GRM1: variants seen among roughly 807,000 people sequenced by gnomAD.
GRM1 encodes glutamate metabotropic receptor 1.
Under a neutral mutation model 90.9 loss-of-function variants are expected in GRM1, and 33 were observed. That is an observed-to-expected ratio of 0.36 (90% CI 0.28 to 0.49). The LOEUF is 0.49. Among genes scored for constraint, GRM1 ranks in the 20% least tolerant of loss-of-function variants. The pLI is 0.99. For missense variants in GRM1, 1,190 were observed against 1,534.3 expected (o/e 0.78, Z 3.75); for synonymous variants, 700 against 613.2 (o/e 1.14, Z -2.09).
intron 2 of GRM1, among the ~76,000 whole-genome samples, chr6:146,196,390 T>G (rs988213290): frequency 2.0e-5 from 3 of 147,870 alleles, no homozygotes; most frequent in Admixed American, 6.8e-5. Flanking sequence ...CAGGTTCACA[T>G]CATTTTCCTG....
intron 2 of GRM1, among the ~76,000 whole-genome samples, chr6:146,235,566 A>G (rs886948781): frequency 1.3e-5 from 2 of 151,838 alleles, no homozygotes; most frequent in African/African-American, 4.8e-5. Flanking sequence ...GATTTTGAAT[A>G]TTCTGTTTTT....
intron 1 of GRM1, among the ~76,000 whole-genome samples, chr6:146,064,355 C>T (rs1554262616): frequency 1.3e-5 from 2 of 152,126 alleles, no homozygotes; most frequent in Non-Finnish European, 2.9e-5. Context: ...TTTAAGTCTA[C>T]TTTTATAGTT....
chr6:146,058,203 A>G (rs966473056), intron 1 of GRM1, among the ~76,000 whole-genome samples: 6 of 152,022 alleles, frequency 3.9e-5, no homozygotes, highest in East Asian at 1.9e-4. Flanking sequence ...CTAAGTTTCT[A>G]CCTAGTCTCA....
chr6:146,120,787 C>G (rs1191465290), intron 1 of GRM1, among the ~76,000 whole-genome samples: 1 of 152,164 alleles, frequency 6.6e-6, no homozygotes. Context: ...AGGGATGAAG[C>G]CCACTTGATC....
chr6:146,406,344 T>A (rs1237335499), intron 7 of GRM1, among the ~76,000 whole-genome samples: 1 of 152,202 alleles, frequency 6.6e-6, no homozygotes, highest in Non-Finnish European at 1.5e-5. Flanking sequence ...TGGGAACTTA[T>A]CATCATTTTT....
intron 2 of GRM1, among the ~76,000 whole-genome samples, chr6:146,247,004 G>A (rs1303325842): frequency 3.9e-5 from 6 of 152,160 alleles, no homozygotes; most frequent in Admixed American, 1.3e-4. Flanking sequence ...GCCACATTCA[G>A]GAATCAGGAA....
chr6:146,417,980 C>T (rs773057508), intron 7 of GRM1, among the ~76,000 whole-genome samples: 8 of 152,112 alleles, frequency 5.3e-5, no homozygotes, highest in South Asian at 4.2e-4. Context: ...TAATTTTGAG[C>T]GGCTGCTTTC....
intron 3 of GRM1, among the ~76,000 whole-genome samples, chr6:146,340,860 A>G (rs1035480458): frequency 1.3e-5 from 2 of 152,152 alleles, no homozygotes; most frequent in African/African-American, 4.8e-5. Flanking sequence ...CCACATTTCT[A>G]ACCTCACTCG....
chr6:146,209,639 A>T (rs146896594), intron 2 of GRM1, among the ~76,000 whole-genome samples: 3 of 152,126 alleles, frequency 2.0e-5, no homozygotes, highest in Non-Finnish European at 4.4e-5. Flanking sequence ...ATGGTTAGGG[A>T]TGGAAGGGTA....
intron 1 of GRM1, among the ~76,000 whole-genome samples, chr6:146,067,369 C>T (rs1326076052): frequency 6.6e-6 from 1 of 152,154 alleles, no homozygotes; most frequent in African/African-American, 2.4e-5. Flanking sequence ...ATTTTAGACA[C>T]ATTCCAACCA....
chr6:146,435,151 A>G lies in GRM1; in HGVS notation c.*355A>G. On this transcript the variant is annotated 3_prime_UTR_variant, in exon 8 of 8. Coordinates refer to ENST00000282753, the MANE Select transcript of GRM1 (RefSeq NM_001278064.2). ...CTTTTGCACAATTGTGCATAGATAT[A>G]TATATGCCCACACACACTGGGCCAT... 1 of 386,488 alleles carries G rather than the reference A, an allele frequency of 2.6e-6. No homozygotes were observed. Among genetic ancestry groups the G allele is most frequent in the Non-Finnish European group, 4.9e-6 (1 of 202,536 alleles). 23.9% of individuals were successfully genotyped at this position (386,488 alleles called of 1,614,324 possible). A position where few individuals can be genotyped will look rare whatever the true frequency, so the allele number is the denominator to read the frequency against.
chr6:146,214,899 G>C (rs1779816241), intron 2 of GRM1, among the ~76,000 whole-genome samples: 1 of 152,156 alleles, frequency 6.6e-6, no homozygotes, highest in African/African-American at 2.4e-5. Flanking sequence ...GTATTCCTGG[G>C]AACAGTGACA....
intron 2 of GRM1, among the ~76,000 whole-genome samples, chr6:146,268,928 C>A (rs1248561790): frequency 6.6e-6 from 1 of 152,146 alleles, no homozygotes; most frequent in Admixed American, 6.5e-5. Context: ...CACAAGACAG[C>A]CCAGAAATAA....
chr6:146,350,279 C>A (rs1785355153), intron 3 of GRM1, among the ~76,000 whole-genome samples: 1 of 152,158 alleles, frequency 6.6e-6, no homozygotes, highest in African/African-American at 2.4e-5. Context: ...AACTCAGTGT[C>A]CATAAGGCTT....
chr6:146,291,636 T>A (rs931056718), intron 2 of GRM1, among the ~76,000 whole-genome samples: 1 of 151,878 alleles, frequency 6.6e-6, no homozygotes, highest in African/African-American at 2.4e-5. Flanking sequence ...CTAAAAAAAT[T>A]AAATAAGACA....
chr6:146,270,885 CTTTCTTTCTTTCTT>C (rs1562571135), intron 2 of GRM1, among the ~76,000 whole-genome samples: 2 of 103,188 alleles, frequency 1.9e-5, no homozygotes, highest in African/African-American at 9.6e-5. Flanking sequence ...TTCTTTCTTT[CTTTCTTTCTTTCTT>C]TCTTTCTTTC....
At position 146,399,833 on chromosome 6, in the gene GRM1, G is replaced by GTCTT; in HGVS notation, c.2660+138_2660+141dup. 1 of 683,034 alleles carries GTCTT rather than the reference G, an allele frequency of 1.5e-6. No individual in the cohort carries two copies. Among genetic ancestry groups the GTCTT allele is most frequent in the Non-Finnish European group, 2.6e-6 (1 of 385,892 alleles). The allele number at this position is 683,034 out of a possible 1,614,324, so 42.3% of individuals were successfully genotyped here. ...GAGTTGTCTCTTCCATTTCCCCCAT[G>GTCTT]TCTTTCTCTTCCTTTCTTAATCTTT... On this transcript the variant is annotated intron_variant, in intron 7 of 7. Transcript: ENST00000282753. This position sits in a 1 kb window ranked among gnomAD's most constrained non-coding sequence, Gnocchi z 5.4.
chr6:146,396,951 A>G (rs938190529), intron 6 of GRM1, among the ~76,000 whole-genome samples: 1 of 152,194 alleles, frequency 6.6e-6, no homozygotes, highest in Non-Finnish European at 1.5e-5. Context: ...GGACAACTAC[A>G]TAAATTCAGC....
intron 1 of GRM1, among the ~76,000 whole-genome samples, chr6:146,104,080 G>C (rs1342029036): frequency 6.6e-6 from 1 of 152,158 alleles, no homozygotes; most frequent in Non-Finnish European, 1.5e-5. Context: ...GCTGGGATGA[G>C]GATGAACAAT....
Sources: allele counts gnomAD v4.1 joint callset (sites outside exome capture counted in the v4.1 genomes callset), GRCh38; gene constraint gnomAD v4.1.1; non-coding constraint Gnocchi (gnomAD v3.1); transcripts MANE v1.5; gene names NCBI Gene and HGNC (gene_info 2026-07-23, HGNC 2026-07-21).